Variants in TDRD12 observed in about 807,000 individuals in gnomAD.
The protein encoded by TDRD12 is tudor domain containing 12.
Under a neutral mutation model 133.5 loss-of-function variants are expected in TDRD12, and 158 were observed. That is an observed-to-expected ratio of 1.18 (90% CI 1.04 to 1.35). The LOEUF is 1.35. Ranked by LOEUF, TDRD12 falls within the 40% of genes most tolerant of loss-of-function variation. TDRD12 has a pLI of 0.00. For synonymous variants in TDRD12, 460 were observed against 477.9 expected, an observed-to-expected ratio of 0.96 and a Z score of 0.49; for missense variants, 1,443 against 1,321.3, an observed-to-expected ratio of 1.09 and a Z score of -1.43.
chr19:32,722,678 AATT>A lies in TDRD12; in HGVS notation c.24+2583_24+2585del, dbSNP rs1272594883. Among the ~76,000 whole-genome samples the A allele has an allele frequency of 8.9e-4, 122 of 136,750 alleles. 1 individual carries two copies. Among genetic ancestry groups the A allele is most frequent in the East Asian group, 1.6e-3 (7 of 4,266 alleles). 89.7% of individuals were successfully genotyped at this position (136,750 alleles called of 152,430 possible). On this transcript the variant is annotated intron_variant, in intron 1 of 27. Transcript: ENST00000444215. The stretch of plus-strand genomic sequence containing the variant: ...ATGTATCCTTTTATTATTTAAAAAA[AATT>A]TTTTTTTTTTTTTTTTGAGACGGCG...
At chr19:32,822,700 T>C (rs896034059), downstream of TDRD12, among the ~76,000 whole-genome samples, 1 of 148,918 alleles carries the variant, frequency 6.7e-6, no homozygotes, top group Admixed American at 6.7e-5. Flanking sequence ...TGAGCCAAGA[T>C]CGCGCCACTG....
At chr19:32,822,400 C>T (rs558427878), downstream of TDRD12, among the ~76,000 whole-genome samples, 4 of 152,304 alleles carry the variant, frequency 2.6e-5, no homozygotes, top group Non-Finnish European at 4.4e-5. Flanking sequence ...CCACTGCACT[C>T]TTGCCTGGGC....
rs186691876 is a variant in TDRD12, at chr19:32,721,842, G to C, written c.24+1746G>C. ...CCTGCCTCAGCCTCCCAAGTAGCTGGGACTACAGGCGGCCACCACCACGCC... is the reference window on the plus strand; with the variant it reads ...CCTGCCTCAGCCTCCCAAGTAGCTGCGACTACAGGCGGCCACCACCACGCC... On this transcript the variant is annotated intron_variant, in intron 1 of 27. Coordinates refer to ENST00000444215, the Ensembl canonical transcript of TDRD12. Among the ~76,000 whole-genome samples the C allele has an allele frequency of 8.1e-3, 1,221 of 151,642 alleles. 16 individuals are homozygous for C. Among genetic ancestry groups the C allele is most frequent in the African/African-American group, 0.028 (1,157 of 41,284 alleles).
downstream of TDRD12, among the ~76,000 whole-genome samples, chr19:32,821,773 A>C (rs1019626395): frequency 1.2e-4 from 18 of 152,188 alleles, no homozygotes; most frequent in African/African-American, 3.9e-4. Flanking sequence ...TTAATCTTGG[A>C]AAGTATTTGC....
exon 24 of TDRD12, chr19:32,811,299 T>C: frequency 6.5e-7 from 1 of 1,536,086 alleles, no homozygotes; most frequent in Non-Finnish European, 8.7e-7. Context: ...AGGACGGGGC[T>C]CGTCACAAGG....
Position 32,810,162 on chromosome 19 carries a change from TA to T in TDRD12, c.2723del (p.Tyr908LeufsTer8). The T allele has an allele frequency of 6.5e-7, 1 of 1,535,572 alleles. No homozygotes were observed. The highest frequency in any genetic ancestry group is 8.7e-7 in the Non-Finnish European group (1 of 1,146,488). Reference sequence around the variant, plus strand: ...TATAGTTGATAAACACATGGATCTTTATGCAACTCTCAATGCTGAAATGAAT... The same window carrying T: ...TATAGTTGATAAACACATGGATCTTTTGCAACTCTCAATGCTGAAATGAAT... On this transcript the variant is annotated frameshift_variant, in exon 23 of 28. Coordinates refer to ENST00000444215, the Ensembl canonical transcript of TDRD12. LOFTEE classifies it high-confidence loss of function.
intron 1 of TDRD12, among the ~76,000 whole-genome samples, chr19:32,729,792 T>C (rs1475602090): frequency 2.4e-5 from 3 of 123,592 alleles, no homozygotes; most frequent in African/African-American, 6.9e-5. Context: ...TTTTTTTTTT[T>C]TTTTTTTTTT....
At chr19:32,786,438 T>A (rs1970909585) in intron 11 of TDRD12, among the ~76,000 whole-genome samples, 1 of 152,150 alleles carries the variant, frequency 6.6e-6, no homozygotes, top group Admixed American at 6.6e-5. Context: ...TTTGTAGTGT[T>A]CTCTGTATTT....
intron 6 of TDRD12, 81 bp from the exon 7 acceptor site, chr19:32,755,911 G>A: frequency 9.7e-7 from 1 of 1,033,286 alleles, no homozygotes; most frequent in Non-Finnish European, 1.3e-6. Context: ...GTAGAACTTT[G>A]GGGTTAAGTT....
At chr19:32,753,670 ATT>A (rs61178379) in intron 6 of TDRD12, among the ~76,000 whole-genome samples, 4,057 of 130,410 alleles carry the variant, frequency 0.031, 66 homozygotes, top group Middle Eastern at 0.059. Context: ...CACCTGGCTA[ATT>A]TTTTTTTTTT....
At chr19:32,791,140 A>G (rs1163262720) in intron 13 of TDRD12, 72 bp downstream of exon 13, 9 of 1,455,514 alleles carry the variant, frequency 6.2e-6, no homozygotes, top group Middle Eastern at 1.8e-4. Flanking sequence ...TTTGAAATAA[A>G]TGGCTCTAAG....
chr19:32,729,717 C>T (rs1385253780), intron 1 of TDRD12, among the ~76,000 whole-genome samples: 1 of 150,360 alleles, frequency 6.7e-6, no homozygotes, highest in Non-Finnish European at 1.5e-5. Flanking sequence ...TAAGTCCTCG[C>T]CTGTTAATTC....
At chr19:32,753,623 C>G (rs1434507706) in intron 6 of TDRD12, among the ~76,000 whole-genome samples, 1 of 151,986 alleles carries the variant, frequency 6.6e-6, no homozygotes, top group African/African-American at 2.4e-5. Context: ...CCTGCCTCAG[C>G]CTCCTGAGTA....
chr19:32,738,976 C>T, exon 3 of TDRD12: 1 of 1,550,564 alleles, frequency 6.4e-7, no homozygotes. Flanking sequence ...CAAGAACATT[C>T]CAGTCAAATC....
At chr19:32,773,039 T>A (rs1050835516) in intron 9 of TDRD12, among the ~76,000 whole-genome samples, 189 bp downstream of exon 9, 5 of 152,250 alleles carry the variant, frequency 3.3e-5, no homozygotes, top group Admixed American at 1.3e-4. Context: ...TAGCTCCAGC[T>A]TCTTCATGTC....
intron 3 of TDRD12, among the ~76,000 whole-genome samples, chr19:32,739,555 T>C (rs1969334906): frequency 7.2e-6 from 1 of 138,138 alleles, no homozygotes; most frequent in Non-Finnish European, 1.6e-5. Flanking sequence ...CTCCTGGGGC[T>C]CTCTTTGCAT....
In TDRD12 at chr19:32,802,405, G is replaced by T. The variant is rs971061246; in HGVS notation, c.2198-251G>T. ...ATAAAAGTCAAAATATATAGAATAA[G>T]TGAAAAACATATGGGCCGCTTGGAT... On this transcript the variant is annotated intron_variant, in intron 19 of 27. Coordinates refer to ENST00000444215, the Ensembl canonical transcript of TDRD12. Among the ~76,000 whole-genome samples the T allele has an allele frequency of 3.3e-5, 5 of 151,646 alleles. No homozygotes were observed. In the East Asian group the frequency reaches 9.7e-4, roughly 29 times the overall value.
intron 8 of TDRD12, among the ~76,000 whole-genome samples, chr19:32,761,831 G>A (rs1431787980): frequency 2.0e-5 from 3 of 151,732 alleles, no homozygotes. Context: ...GATTACAGGT[G>A]CCCGCCACCA....
At chr19:32,792,844 C>T (rs1971112210) in intron 13 of TDRD12, among the ~76,000 whole-genome samples, 1 of 152,136 alleles carries the variant, frequency 6.6e-6, no homozygotes, top group African/African-American at 2.4e-5. Flanking sequence ...GACCAGGAAT[C>T]AGAATGGCTT....
Sources: gnomAD v4.1 joint callset for allele counts (sites outside exome capture counted in the v4.1 genomes callset) on GRCh38, gnomAD v4.1.1 for gene constraint, MANE v1.5 for transcripts, NCBI Gene and HGNC (gene_info 2026-07-23, HGNC 2026-07-21) for gene names.